The following NFIA variants were observed in gnomAD, a reference collection of about 807,000 sequenced individuals.
The protein encoded by NFIA is nuclear factor 1 A-type.
A neutral mutation model predicts 62.8 loss-of-function variants in NFIA; 8 were observed. The observed-to-expected ratio is 0.13, with a 90% CI of 0.07 to 0.23. The LOEUF is 0.23. Among genes scored for constraint, NFIA ranks in the 10% least tolerant of loss-of-function variants. The probability of loss-of-function intolerance (pLI) is 1.00; values close to 1 mark genes in which losing one functional copy is unlikely to be tolerated. For synonymous variants in NFIA, 235 were observed against 238.1 expected (o/e 0.99, Z 0.12); for missense variants, 410 against 642.1 (o/e 0.64, Z 3.91).
At chr1:61,345,198 T>C (rs373676635) in intron 4 of NFIA, among the ~76,000 whole-genome samples, 143 of 152,320 alleles carry the variant, frequency 9.4e-4, no homozygotes, top group African/African-American at 3.1e-3. Context: ...ATACTTCAGA[T>C]TCGTTAATTA....
chr1:61,096,280 C>A (rs1243028536), intron 2 of NFIA, among the ~76,000 whole-genome samples: 1 of 152,034 alleles, frequency 6.6e-6, no homozygotes, highest in Non-Finnish European at 1.5e-5. Context: ...GTGGCATGAT[C>A]TCGGCTCACC....
At chr1:61,298,731 C>T (rs1659329576) in intron 3 of NFIA, among the ~76,000 whole-genome samples, 1 of 152,100 alleles carries the variant, frequency 6.6e-6, no homozygotes, top group Admixed American at 6.6e-5. Context: ...GAGACCATGC[C>T]TACAAGGTGT....
chr1:61,216,283 G>A (rs1230439647), intron 2 of NFIA, among the ~76,000 whole-genome samples: 1 of 152,062 alleles, frequency 6.6e-6, no homozygotes, highest in Non-Finnish European at 1.5e-5. Flanking sequence ...CATAGCTTCA[G>A]TAGTTTTTAA....
At chr1:61,389,124 A>G (rs1226608256) in intron 7 of NFIA, among the ~76,000 whole-genome samples, 1 of 152,178 alleles carries the variant, frequency 6.6e-6, no homozygotes, top group Non-Finnish European at 1.5e-5. Flanking sequence ...AACAACAAAA[A>G]AAAGCAAGTA....
At chr1:61,435,686 G>C (rs1212347234) in intron 10 of NFIA, among the ~76,000 whole-genome samples, 1 of 152,186 alleles carries the variant, frequency 6.6e-6, no homozygotes, top group Non-Finnish European at 1.5e-5. Context: ...AAAGGATGCT[G>C]AGAAAACCAG....
chr1:61,255,040 G>A (rs1326263121), intron 2 of NFIA, among the ~76,000 whole-genome samples: 1 of 152,164 alleles, frequency 6.6e-6, no homozygotes, highest in Non-Finnish European at 1.5e-5. Context: ...ATTGAAAGAA[G>A]CCCAGAGGCT....
chr1:61,201,606 G>T (rs1652501571), intron 2 of NFIA, among the ~76,000 whole-genome samples: 1 of 152,022 alleles, frequency 6.6e-6, no homozygotes, highest in Non-Finnish European at 1.5e-5. Context: ...TGTAACATCA[G>T]TTGTGGAGAA....
chr1:61,139,545 T>G (rs767746922), intron 2 of NFIA, among the ~76,000 whole-genome samples: 1 of 152,202 alleles, frequency 6.6e-6, no homozygotes, highest in Non-Finnish European at 1.5e-5. Context: ...CGAAAGCTAG[T>G]CTGGGGAGTT....
chr1:61,181,321 T>C (rs1014104066), intron 2 of NFIA, among the ~76,000 whole-genome samples: 1 of 152,238 alleles, frequency 6.6e-6, no homozygotes, highest in Admixed American at 6.5e-5. Context: ...TGATGCGCCA[T>C]GCCAAATTAG....
intron 2 of NFIA, among the ~76,000 whole-genome samples, chr1:61,186,177 A>G (rs369183146): frequency 1.3e-5 from 2 of 152,076 alleles, no homozygotes. Flanking sequence ...GGTGGAGCAC[A>G]CTGGTTGGGA....
intron 9 of NFIA, among the ~76,000 whole-genome samples, chr1:61,417,265 T>TTGTG (rs5774557): frequency 0.065 from 9,095 of 139,076 alleles, 344 homozygotes; most frequent in Non-Finnish European, 0.083. Flanking sequence ...TTCCTCATCT[T>TTGTG]TGTGTGTGTG....
At chr1:61,083,951 G>C (rs1188295162) in intron 1 of NFIA, among the ~76,000 whole-genome samples, 6 of 151,314 alleles carry the variant, frequency 4.0e-5, no homozygotes, top group African/African-American at 1.5e-4. Context: ...TTGCTACTTC[G>C]AGACTTCAAA....
intron 6 of NFIA, among the ~76,000 whole-genome samples, chr1:61,369,113 T>C (rs964944511): frequency 6.6e-5 from 10 of 152,230 alleles, no homozygotes; most frequent in African/African-American, 2.2e-4. Flanking sequence ...CAGTGAATAC[T>C]GGCCCGTTTC....
At chr1:61,087,435 C>G (rs1646237262) in intron 1 of NFIA, among the ~76,000 whole-genome samples, 1 of 151,010 alleles carries the variant, frequency 6.6e-6, no homozygotes, top group African/African-American at 2.4e-5. Context: ...GCAATTATGT[C>G]TTGGGCATAG....
chr1:61,222,317 TTA>T (rs1331088783), intron 2 of NFIA, among the ~76,000 whole-genome samples: 1 of 152,142 alleles, frequency 6.6e-6, no homozygotes, highest in African/African-American at 2.4e-5. Flanking sequence ...GTAATTTGCA[TTA>T]TGTTTCTAAG....
intron 2 of NFIA, among the ~76,000 whole-genome samples, chr1:61,089,367 T>C (rs140639471): frequency 0.012 from 1,782 of 152,342 alleles, 20 homozygotes; most frequent in Middle Eastern, 0.065. Context: ...GTTGCTTTGA[T>C]TGTAAAATCT....
intron 2 of NFIA, among the ~76,000 whole-genome samples, chr1:61,234,707 T>C (rs1344476119): frequency 6.6e-6 from 1 of 152,196 alleles, no homozygotes; most frequent in Non-Finnish European, 1.5e-5. Context: ...CATAAAACTG[T>C]CAATATTCCC....
At chr1:61,200,660 T>C (rs1048392414) in intron 2 of NFIA, among the ~76,000 whole-genome samples, 3 of 152,162 alleles carry the variant, frequency 2.0e-5, no homozygotes, top group African/African-American at 7.2e-5. Context: ...CTACTTAGGT[T>C]CCACAAGTGC....
chr1:61,253,881 CATG>C (rs1420160436), intron 2 of NFIA, among the ~76,000 whole-genome samples: 1 of 152,096 alleles, frequency 6.6e-6, no homozygotes, highest in African/African-American at 2.4e-5. Context: ...TTTAATCTGT[CATG>C]ATGGCATTTG....
Sources: allele counts gnomAD v4.1 joint callset (sites outside exome capture counted in the v4.1 genomes callset), GRCh38; gene constraint gnomAD v4.1.1; transcripts MANE v1.5; gene names NCBI Gene and HGNC (gene_info 2026-07-23, HGNC 2026-07-21).